Variants in DPH6 observed in about 807,000 individuals in gnomAD.
DPH6 encodes diphthine--ammonia ligase.
Under a neutral mutation model 38.2 loss-of-function variants are expected in DPH6, and 33 were observed. The ratio of observed to expected loss-of-function variants is 0.86; its 90% CI spans 0.65 to 1.15. The LOEUF (loss-of-function observed/expected upper bound fraction) is 1.15, where lower values mean the gene tolerates loss of function less well. DPH6 is among the 50% of genes most tolerant of loss of function. DPH6 has a pLI of 0.00. For synonymous variants in DPH6, 108 were observed against 103.0 expected (o/e 1.05, Z -0.30); for missense variants, 325 against 320.0 (o/e 1.02, Z -0.12).
At chr15:35,352,549 C>G (rs1019716734) in intron 3 of DPH6, among the ~76,000 whole-genome samples, 1 of 152,020 alleles carries the variant, frequency 6.6e-6, no homozygotes, top group African/African-American at 2.4e-5. Flanking sequence ...TTTGTCCTTG[C>G]GATAGTTTGC....
chr15:35,436,612 AT>A (rs1277966774), intron 5 of DPH6, among the ~76,000 whole-genome samples: 4 of 152,034 alleles, frequency 2.6e-5, no homozygotes, highest in African/African-American at 7.2e-5. Flanking sequence ...TGTTGGAGAA[AT>A]CCATTTGCAT....
chr15:35,239,410 C>T (rs904238732), intron 3 of DPH6, among the ~76,000 whole-genome samples: 1 of 144,218 alleles, frequency 6.9e-6, no homozygotes, highest in East Asian at 2.2e-4. Flanking sequence ...AGGCAGCCTT[C>T]CCTTGGTGTT....
chr15:35,344,146 C>A (rs2140882092), intron 3 of DPH6, among the ~76,000 whole-genome samples: 1 of 151,970 alleles, frequency 6.6e-6, no homozygotes, highest in East Asian at 1.9e-4. Flanking sequence ...CTTTCTTTTT[C>A]AGAAGTTTAT....
intron 3 of DPH6, among the ~76,000 whole-genome samples, chr15:35,227,297 C>A (rs1301232156): frequency 6.7e-6 from 1 of 149,410 alleles, no homozygotes; most frequent in Non-Finnish European, 1.5e-5. Context: ...CATTCTCCTG[C>A]CTCAGTCTCC....
chr15:35,378,440 C>A (rs1400604526), intron 7 of DPH6, among the ~76,000 whole-genome samples: 1 of 152,126 alleles, frequency 6.6e-6, no homozygotes, highest in Non-Finnish European at 1.5e-5. Context: ...GGATCTAGAC[C>A]TAGAAATACC....
exon 4 of DPH6, chr15:35,218,257 A>G (rs1285051454): frequency 6.6e-6 from 1 of 152,242 alleles, no homozygotes; most frequent in African/African-American, 2.4e-5. Context: ...CAAAGAAATA[A>G]CATAGTATTT....
At chr15:35,283,849 T>C (rs564582310) in intron 3 of DPH6, among the ~76,000 whole-genome samples, 6 of 152,112 alleles carry the variant, frequency 3.9e-5, no homozygotes, top group African/African-American at 1.2e-4. Flanking sequence ...ACATCCAATA[T>C]GTAAGATAAA....
chr15:35,233,831 T>G (rs1393641327), intron 3 of DPH6, among the ~76,000 whole-genome samples: 1 of 152,232 alleles, frequency 6.6e-6, no homozygotes, highest in Non-Finnish European at 1.5e-5. Context: ...TACTTAATAT[T>G]TTCATTGTCT....
At chr15:35,192,327 C>T in the DPH6 span, among the ~76,000 whole-genome samples, 285 of 152,264 alleles carry the variant, frequency 1.9e-3, 2 homozygotes, top group Non-Finnish European at 2.6e-3. Flanking sequence ...GAAAGCAACA[C>T]GTAAAGTTCC....
downstream of DPH6, among the ~76,000 whole-genome samples, chr15:35,368,368 A>G (rs2052679396): frequency 1.3e-5 from 2 of 151,844 alleles, no homozygotes; most frequent in African/African-American, 4.8e-5. Flanking sequence ...AAGACTGAAA[A>G]AGGATGCTAT....
chr15:35,236,410 A>G (rs1476576229), intron 3 of DPH6, among the ~76,000 whole-genome samples: 1 of 152,162 alleles, frequency 6.6e-6, no homozygotes, highest in African/African-American at 2.4e-5. Flanking sequence ...AGGCTGAGGC[A>G]GGCAGATCAC....
At chr15:35,501,980 CTG>C (rs1215488247) in intron 3 of DPH6, among the ~76,000 whole-genome samples, 2 of 152,090 alleles carry the variant, frequency 1.3e-5, no homozygotes, top group Non-Finnish European at 2.9e-5. Flanking sequence ...ACTTAAATCT[CTG>C]TGATAAATGA....
rs572331179 is a variant in DPH6 at position 35,470,604 on chromosome 15, C to T, written c.313-15784G>A. ...ACGTTTGCTCCTAAGTCAAAAGTAGCGTGACTTACACAGGTTCACAAAACG... is the reference window on the plus strand; with the variant it reads ...ACGTTTGCTCCTAAGTCAAAAGTAGTGTGACTTACACAGGTTCACAAAACG... On this transcript the variant is annotated intron_variant, in intron 3 of 8. Transcript: ENST00000256538. Among the ~76,000 whole-genome samples, 12 of 152,258 alleles carry T rather than the reference C, an allele frequency of 7.9e-5. No homozygotes were observed. The East Asian group carries it at 9.7e-4, about 12-fold the overall frequency.
At chr15:35,343,665 G>C (rs1473569358) in intron 3 of DPH6, among the ~76,000 whole-genome samples, 1 of 151,922 alleles carries the variant, frequency 6.6e-6, no homozygotes, top group Non-Finnish European at 1.5e-5. Flanking sequence ...CAAGTTTAAA[G>C]GCTAACTTAA....
At chr15:35,529,904 A>C (rs1164923492) in intron 3 of DPH6, among the ~76,000 whole-genome samples, 1 of 151,134 alleles carries the variant, frequency 6.6e-6, no homozygotes, top group Non-Finnish European at 1.5e-5. Context: ...ACCAAAAATA[A>C]AAAATAAAAA....
At chr15:35,208,408 C>A in the DPH6 span, among the ~76,000 whole-genome samples, 4 of 152,198 alleles carry the variant, frequency 2.6e-5, no homozygotes, top group African/African-American at 9.6e-5. Flanking sequence ...CAATCAGATT[C>A]ATTAAAACCA....
chr15:35,349,315 A>T (rs1052176725), intron 3 of DPH6, among the ~76,000 whole-genome samples: 1 of 152,186 alleles, frequency 6.6e-6, no homozygotes, highest in African/African-American at 2.4e-5. Flanking sequence ...GGCCTTTACC[A>T]TATTGAGGTA....
chr15:35,310,999 C>T (rs1361394370), intron 3 of DPH6, among the ~76,000 whole-genome samples: 2 of 151,416 alleles, frequency 1.3e-5, no homozygotes, highest in Non-Finnish European at 2.9e-5. Context: ...GAGGAGGTTG[C>T]AGTGAGCCGA....
chr15:35,521,657 T>C (rs1171525651), intron 3 of DPH6: 2 of 1,230,564 alleles, frequency 1.6e-6, no homozygotes, highest in Non-Finnish European at 2.0e-6. Context: ...TGCAGGATAT[T>C]TAACTAGATA....
Sources: allele counts gnomAD v4.1 joint callset (sites outside exome capture counted in the v4.1 genomes callset), GRCh38; gene constraint gnomAD v4.1.1; transcripts MANE v1.5; gene names NCBI Gene and HGNC (gene_info 2026-07-23, HGNC 2026-07-21).